KCNIP4: variants seen among roughly 807,000 people sequenced by gnomAD.
The protein encoded by KCNIP4 is potassium voltage-gated channel interacting protein 4.
KCNIP4 carries 12 observed loss-of-function variants against 34.0 expected under a neutral mutation model. The observed-to-expected ratio is 0.35, with a 90% CI of 0.23 to 0.57. The LOEUF (loss-of-function observed/expected upper bound fraction) is 0.57. KCNIP4 is among the 20% of genes least tolerant of loss of function. KCNIP4 has a pLI of 0.83. For synonymous variants in KCNIP4, 124 were observed against 102.2 expected (o/e 1.21, Z -1.29); for missense variants, 238 against 311.7 (o/e 0.76, Z 1.78).
intron 1 of KCNIP4, among the ~76,000 whole-genome samples, chr4:21,112,297 C>T (rs957316580): frequency 4.6e-5 from 7 of 152,112 alleles, no homozygotes; most frequent in Admixed American, 1.3e-4. Context: ...ATTTCTGCAG[C>T]GTTGGACTTT....
chr4:21,859,936 G>T (rs1322058836), intron 1 of KCNIP4, among the ~76,000 whole-genome samples: 1 of 152,100 alleles, frequency 6.6e-6, no homozygotes, highest in African/African-American at 2.4e-5. Context: ...CACTACTTGG[G>T]AGGCTGAGGT....
At chr4:21,076,929 T>G (rs547057073) in intron 1 of KCNIP4, among the ~76,000 whole-genome samples, 1 of 152,098 alleles carries the variant, frequency 6.6e-6, no homozygotes, top group Middle Eastern at 3.4e-3. Context: ...TCGAGTCCAG[T>G]CTGGCAAACA....
chr4:21,071,293 G>A (rs184181704), intron 1 of KCNIP4, among the ~76,000 whole-genome samples: 1 of 152,174 alleles, frequency 6.6e-6, no homozygotes, highest in Admixed American at 6.6e-5. Context: ...TAAGATTGAG[G>A]TTCATTCTGT....
At chr4:21,026,929 T>A (rs1348840655) in intron 1 of KCNIP4, among the ~76,000 whole-genome samples, 1 of 152,166 alleles carries the variant, frequency 6.6e-6, no homozygotes, top group Non-Finnish European at 1.5e-5. Context: ...AAGAGTTGGA[T>A]GATGCAAACC....
At chr4:21,733,593 A>T (rs1715767537) in intron 1 of KCNIP4, among the ~76,000 whole-genome samples, 1 of 152,164 alleles carries the variant, frequency 6.6e-6, no homozygotes, top group Non-Finnish European at 1.5e-5. Context: ...TTTGCAAGTC[A>T]ATAATTTTCT....
chr4:20,873,553 T>A lies in KCNIP4; in HGVS notation c.163+9055A>T, dbSNP rs574834368. On this transcript the variant is annotated intron_variant, in intron 2 of 8. Transcript: ENST00000382152. ...TCAGAAGCCAATATCCCACTAAGTT[T>A]GGTTATTAGTTTTGACACCTGTCTG... Among the ~76,000 whole-genome samples the A allele has an allele frequency of 2.0e-5, 3 of 152,166 alleles. No homozygotes were observed. The East Asian group carries it at 5.8e-4, about 29-fold the overall frequency.
chr4:21,748,281 T>G (rs954143431), intron 1 of KCNIP4, among the ~76,000 whole-genome samples: 1 of 152,180 alleles, frequency 6.6e-6, no homozygotes, highest in Non-Finnish European at 1.5e-5. Context: ...GGCTCCATGC[T>G]ACAACTTTCC....
At chr4:21,921,186 C>T (rs1002922417) in intron 1 of KCNIP4, among the ~76,000 whole-genome samples, 1 of 152,124 alleles carries the variant, frequency 6.6e-6, no homozygotes, top group African/African-American at 2.4e-5. Flanking sequence ...GCATTTGACT[C>T]AGCTGTCACG....
intron 1 of KCNIP4, among the ~76,000 whole-genome samples, chr4:21,873,736 A>G (rs745730338): frequency 9.2e-5 from 14 of 152,244 alleles, no homozygotes; most frequent in Non-Finnish European, 1.9e-4. Context: ...CGGTTACAAA[A>G]TAAGTCCTGA....
intron 3 of KCNIP4, among the ~76,000 whole-genome samples, chr4:20,809,516 G>C (rs1214103731): frequency 6.6e-6 from 1 of 152,176 alleles, no homozygotes; most frequent in East Asian, 1.9e-4. Flanking sequence ...TGGCTTATAG[G>C]CTATTTCTTT....
At chr4:21,748,487 G>A (rs532225654) in intron 1 of KCNIP4, among the ~76,000 whole-genome samples, 7 of 152,242 alleles carry the variant, frequency 4.6e-5, no homozygotes, top group African/African-American at 1.4e-4. Flanking sequence ...ATCTATTTAG[G>A]AAATATGAAA....
chr4:21,376,189 A>G (rs1720946187), intron 1 of KCNIP4, among the ~76,000 whole-genome samples: 1 of 152,226 alleles, frequency 6.6e-6, no homozygotes, highest in Admixed American at 6.5e-5. Flanking sequence ...TAAAACTTGT[A>G]TGTTAAAAAG....
intron 3 of KCNIP4, among the ~76,000 whole-genome samples, chr4:20,826,408 T>G (rs1156967236): frequency 6.6e-6 from 1 of 151,404 alleles, no homozygotes; most frequent in African/African-American, 2.4e-5. Flanking sequence ...GACCCCCATC[T>G]CTAAAATTTT....
chr4:21,482,671 T>C (rs13129501), intron 1 of KCNIP4, among the ~76,000 whole-genome samples: 18,994 of 152,136 alleles, frequency 0.12, 1,355 homozygotes, highest in South Asian at 0.21. Context: ...GAGTTTCTGC[T>C]GAGAGATCAG....
intron 1 of KCNIP4, among the ~76,000 whole-genome samples, chr4:21,175,076 G>C (rs371595260): frequency 2.0e-5 from 3 of 151,662 alleles, no homozygotes; most frequent in Admixed American, 6.6e-5. Flanking sequence ...GCTTGACTAA[G>C]GTTTACATAG....
chr4:21,333,121 C>T (rs189844791), intron 1 of KCNIP4, among the ~76,000 whole-genome samples: 220 of 152,156 alleles, frequency 1.4e-3, no homozygotes, highest in African/African-American at 4.8e-3. Flanking sequence ...GATGTCCCTT[C>T]AATCCCACAG....
intron 1 of KCNIP4, among the ~76,000 whole-genome samples, chr4:21,117,312 G>T (rs930309322): frequency 3.7e-4 from 49 of 131,390 alleles, no homozygotes; most frequent in African/African-American, 5.3e-4. Flanking sequence ...GGGGGGGGGG[G>T]GGGGGGGCGC....
intron 1 of KCNIP4, among the ~76,000 whole-genome samples, chr4:21,669,374 C>G (rs901584059): frequency 6.6e-6 from 1 of 152,230 alleles, no homozygotes; most frequent in African/African-American, 2.4e-5. Context: ...GCTAGGATTA[C>G]AGGCATGAGA....
At chr4:21,196,788 C>G (rs2109362734) in intron 1 of KCNIP4, among the ~76,000 whole-genome samples, 1 of 152,226 alleles carries the variant, frequency 6.6e-6, no homozygotes, top group East Asian at 1.9e-4. Flanking sequence ...AGTCTTGTCT[C>G]TTTATTCAAT....
Sources: gnomAD v4.1 joint callset for allele counts (sites outside exome capture counted in the v4.1 genomes callset) on GRCh38, gnomAD v4.1.1 for gene constraint, MANE v1.5 for transcripts, NCBI Gene and HGNC (gene_info 2026-07-23, HGNC 2026-07-21) for gene names.